Variants in EIF3F observed in about 807,000 individuals in gnomAD.
The protein encoded by EIF3F is eukaryotic translation initiation factor 3 subunit F.
EIF3F carries 8 observed loss-of-function variants against 36.0 expected under a neutral mutation model. That is an observed-to-expected ratio of 0.22 (90% CI 0.13 to 0.40). EIF3F has a LOEUF of 0.40. EIF3F is among the 10% of genes least tolerant of loss of function. EIF3F has a pLI of 1.00. For missense variants in EIF3F, 430 were observed against 467.6 expected, an observed-to-expected ratio of 0.92 and a Z score of 0.74; for synonymous variants, 184 against 188.5, an observed-to-expected ratio of 0.98 and a Z score of 0.19.
intron 5 of EIF3F, 100 bp from the exon 6 acceptor site, chr11:7,994,878 GAGTT>G: frequency 1.3e-6 from 2 of 1,510,600 alleles, no homozygotes; most frequent in Admixed American, 3.6e-5. Context: ...TTGGGAAACA[GAGTT>G]AGTAGGACGT....
chr11:7,995,782 C>T (rs1322959354), intron 7 of EIF3F, 163 bp from the exon 8 acceptor site: 5 of 695,426 alleles, frequency 7.2e-6, no homozygotes, highest in African/African-American at 1.8e-5. Context: ...TCAAGCATTT[C>T]CTTTCTGTCT....
At chr11:7,995,400 G>C (rs763338956) in intron 7 of EIF3F, 33 bp downstream of exon 7, 1 of 1,544,232 alleles carries the variant, frequency 6.5e-7, no homozygotes, top group Non-Finnish European at 9.0e-7. Context: ...TTCTTGCCTG[G>C]TTTCTTCCCC....
chr11:7,994,508 C>T lies in EIF3F; in HGVS notation c.736C>T (p.Arg246Cys), dbSNP rs1283067634. The change falls in exon 5 of 8, where the codon CGC (arginine) becomes TGC (cysteine). Residue 246 changes from arginine to cysteine, a missense_variant. Physicochemically the swap from Arg to Cys is radical, Grantham distance 180. Around this residue, in one of 2 missense-constraint regions of EIF3F, gnomAD observed 262 missense variants for 347.4 expected, o/e 0.75. Coordinates refer to ENST00000651655, the MANE Select transcript of EIF3F (RefSeq NM_003754.3). ...TVKYAYYDTERIGVDLIMKTC... is the reference protein window; with the variant it reads ...TVKYAYYDTECIGVDLIMKTC... ...GAAATACGCGTACTACGACACTGAA[C>T]GCATCGGAGGTGAGTAACCTTTCCA... is the stretch of plus-strand genomic sequence containing the variant. 2.5e-6 allele frequency: 4 copies of T among 1,613,376 alleles called. No individual in the cohort carries two copies. The highest frequency in any genetic ancestry group is 1.1e-5 in the South Asian group (1 of 90,882).
chr11:7,990,294 AC>A (rs1391694231), intron 1 of EIF3F, among the ~76,000 whole-genome samples: 56 of 152,322 alleles, frequency 3.7e-4, no homozygotes, highest in Admixed American at 3.6e-3. Context: ...GGATGAGATC[AC>A]CTAAAGCAGG....
At chr11:7,988,759 C>T (rs999618785) in intron 1 of EIF3F, among the ~76,000 whole-genome samples, 25 of 152,132 alleles carry the variant, frequency 1.6e-4, no homozygotes, top group African/African-American at 5.8e-4. Context: ...TGCCATGTGA[C>T]TTGGGGCAGA....
intron 1 of EIF3F, among the ~76,000 whole-genome samples, chr11:7,989,157 C>T (rs1942062175): frequency 6.6e-6 from 1 of 152,224 alleles, no homozygotes; most frequent in Non-Finnish European, 1.5e-5. Flanking sequence ...CTTAACCTTC[C>T]ACAGCATGAT....
chr11:7,993,004 G>T lies in EIF3F; in HGVS notation c.633G>T (p.Met211Ile), dbSNP rs781131467. Residue 211 changes from methionine to isoleucine, a missense_variant, in exon 4 of 8, where the codon ATG (methionine) becomes ATT (isoleucine). Met to Ile is a conservative substitution (Grantham distance 10, BLOSUM62 1). Transcript: ENST00000651655. ...TVDTSLQNGR[M>I]SIKAYVSTLM... ...ACACAAGTCTCCAGAACGGCCGCAT[G>T]AGCATCAAAGCCTACGTCAGGTGAC... 4.4e-6 allele frequency: 7 copies of T among 1,604,768 alleles called. No homozygotes were observed.
chr11:7,990,464 C>T (rs1219648661), intron 1 of EIF3F, among the ~76,000 whole-genome samples: 1 of 152,076 alleles, frequency 6.6e-6, no homozygotes, highest in Non-Finnish European at 1.5e-5. Context: ...AGATCAGGGC[C>T]TGGCCTAGAA....
rs1477385640 is a variant in EIF3F at position 7,998,211 on chromosome 11, C to G, written c.*2189C>G. On this transcript the variant is annotated 3_prime_UTR_variant, in exon 8 of 8. Coordinates refer to ENST00000651655, the MANE Select transcript of EIF3F (RefSeq NM_003754.3). ...CCCAAGGGAAATACAGGGTTGGGTT[C>G]CTATGAACCTCTGGGCACAGTTTCA... The G allele has an allele frequency of 1.3e-5, 2 of 152,162 alleles. No individual in the cohort carries two copies. Among genetic ancestry groups the G allele is most frequent in the Admixed American group, 1.3e-4 (2 of 15,280 alleles). 9.4% of individuals were successfully genotyped at this position (152,162 alleles called of 1,614,324 possible).
chr11:7,994,870 G>T, intron 5 of EIF3F, 112 bp from the exon 6 acceptor site: 1 of 1,473,472 alleles, frequency 6.8e-7, no homozygotes, highest in Non-Finnish European at 9.3e-7. Context: ...AAGGGGAGTT[G>T]GGAAACAGAG....
chr11:7,995,560 TC>T, intron 7 of EIF3F, 193 bp downstream of exon 7: 1 of 611,636 alleles, frequency 1.6e-6, no homozygotes. Context: ...TCCTTCCTTC[TC>T]CCATGATTCC....
intron 5 of EIF3F, 99 bp downstream of exon 5, chr11:7,994,616 A>G: frequency 9.0e-7 from 1 of 1,114,198 alleles, no homozygotes; most frequent in Non-Finnish European, 1.3e-6. Context: ...GTGGTTTGAA[A>G]AGGGACTATT....
In EIF3F at chr11:7,987,629, A is replaced by G; in HGVS notation, c.277A>G (p.Arg93Gly). Reference protein sequence around the residue: ...PGPFPGGRVVRLHPVILASIV... With the variant: ...PGPFPGGRVVGLHPVILASIV... ...GCCCTTCCCCGGCGGCCGCGTGGTC[A>G]GGCTGCACCCAGTCATTTTGGCCTC... Residue 93 changes from arginine (R) to glycine (G), a missense_variant, in exon 1 of 8, where the codon AGG becomes GGG. Arg to Gly is a moderately radical substitution (Grantham distance 125, BLOSUM62 -2). Coordinates refer to ENST00000651655, the MANE Select transcript of EIF3F (RefSeq NM_003754.3). The G allele has an allele frequency of 6.3e-7, 1 of 1,577,064 alleles. No homozygotes were observed. The highest frequency in any genetic ancestry group is 8.6e-7 in the Non-Finnish European group (1 of 1,160,342).
intron 1 of EIF3F, among the ~76,000 whole-genome samples, chr11:7,988,456 C>T (rs1047876688): frequency 1.3e-5 from 2 of 152,184 alleles, no homozygotes; most frequent in African/African-American, 4.8e-5. Context: ...CCATTCTCTG[C>T]CTGTGTTCCA....
chr11:7,992,843 C>T (rs764713018), intron 3 of EIF3F, 44 bp from the exon 4 acceptor site: 16 of 1,612,206 alleles, frequency 9.9e-6, no homozygotes, highest in Middle Eastern at 2.0e-4. Context: ...TTGATATTGA[C>T]GCCACATATA....
Position 7,995,252 on chromosome 11 carries a change from A to C in EIF3F, c.883-2A>C. 1.2e-6 allele frequency: 2 copies of C among 1,613,466 alleles called. No homozygotes were observed. On this transcript the variant is annotated splice_acceptor_variant, in intron 6 of 7. Coordinates refer to ENST00000651655, the MANE Select transcript of EIF3F (RefSeq NM_003754.3). LOFTEE classifies it high-confidence loss of function. ...TCATCGAGTCTTTGTTTTGGTACTC[A>C]GTCTGGAAAGGTGTCAGCTGACAAT...
rs1942041917 is a variant in EIF3F at position 7,987,605 on chromosome 11, C to A, written c.253C>A (p.Pro85Thr). 6.3e-7 allele frequency: 1 copy of A among 1,587,948 alleles called. No homozygotes were observed. Among genetic ancestry groups the A allele is most frequent in the African/African-American group, 1.4e-5 (1 of 73,780 alleles). ...TCTGCCTGGTCCTGCTCTTCCAGGG[C>A]CCTTCCCCGGCGGCCGCGTGGTCAG... The part of the protein sequence containing the change: ...PALPGPALPG[P>T]FPGGRVVRLH... The change falls in exon 1 of 8, where the codon CCC (proline) becomes ACC (threonine). Residue 85 changes from proline to threonine, a missense_variant. This residue lies in a region of EIF3F where 168 missense variants were observed against 120.2 expected (regional missense o/e 1.40). Transcript: ENST00000651655.
intron 4 of EIF3F, 21 bp from the exon 5 acceptor site, chr11:7,994,405 C>T: frequency 6.2e-7 from 1 of 1,610,756 alleles, no homozygotes; most frequent in Non-Finnish European, 8.5e-7. Flanking sequence ...CATCTGTTTA[C>T]TTTGGCTTCT....
At position 7,995,956 on chromosome 11, in the gene EIF3F, G is replaced by A. The variant is rs1377136418; in HGVS notation, c.1008G>A (p.Met336Ile). 8 of 1,613,820 alleles carry A rather than the reference G, an allele frequency of 5.0e-6. No individual in the cohort carries two copies. The highest frequency in any genetic ancestry group is 6.8e-6 in the Non-Finnish European group (8 of 1,179,800). ...MLNSNINDLL[M>I]VTYLANLTQS... ...TCTTTGTCTTCCAGGACCTTTTGAT[G>A]GTGACCTACCTGGCCAACCTCACAC... Residue 336 changes from methionine to isoleucine, a missense_variant, in exon 8 of 8, where the codon ATG becomes ATA. By Grantham distance (10) the Met-to-Ile change is conservative. Around this residue, in one of 2 missense-constraint regions of EIF3F, gnomAD observed 262 missense variants for 347.4 expected, o/e 0.75. Transcript: ENST00000651655.
Sources: allele counts gnomAD v4.1 joint callset (sites outside exome capture counted in the v4.1 genomes callset), GRCh38; gene constraint gnomAD v4.1.1; regional missense constraint gnomAD v4.1.1; transcripts MANE v1.5; gene names NCBI Gene and HGNC (gene_info 2026-07-23, HGNC 2026-07-21).